GRAMD1B: variants seen among roughly 807,000 people sequenced by gnomAD.
The protein encoded by GRAMD1B is protein Aster-B.
A neutral mutation model predicts 99.7 loss-of-function variants in GRAMD1B; 37 were observed. The observed-to-expected ratio is 0.37, with a 90% CI of 0.29 to 0.49. GRAMD1B has a LOEUF of 0.49. Ranked by LOEUF, GRAMD1B falls within the 20% of genes least tolerant of loss-of-function variation. The pLI is 0.98. For synonymous variants in GRAMD1B, 427 were observed against 387.6 expected (o/e 1.10, Z -1.19); for missense variants, 888 against 1,009.2 (o/e 0.88, Z 1.63).
intron 2 of GRAMD1B, among the ~76,000 whole-genome samples, chr11:123,531,549 G>A (rs949541522): frequency 6.6e-6 from 1 of 151,922 alleles, no homozygotes; most frequent in Non-Finnish European, 1.5e-5. Context: ...CTTCCCTCCC[G>A]GCCTTCCTGA....
intron 2 of GRAMD1B, among the ~76,000 whole-genome samples, chr11:123,484,000 T>A (rs1951751332): frequency 6.6e-6 from 1 of 152,200 alleles, no homozygotes; most frequent in Admixed American, 6.5e-5. Context: ...AGATGCTTAA[T>A]CAGGTACGAT....
chr11:123,618,711 C>A lies in GRAMD1B; in HGVS notation c.2337C>A (p.Ile779=). The A allele has an allele frequency of 1.9e-6, 3 of 1,579,302 alleles. No individual in the cohort carries two copies. The highest frequency in any genetic ancestry group is 2.6e-6 in the Non-Finnish European group (3 of 1,159,106). The part of the protein sequence containing the change: ...VISCVLVLLV[I]LNMMLFYKLW... ...TTCCTAGTCTGGTGCTGCTGGTCAT[C>A]CTTAACATGATGCTCTTCTACAAAC... Residue 779 remains isoleucine, a synonymous_variant, in exon 18 of 20, where the codon ATC becomes ATA. Transcript: ENST00000635736.
Position 123,610,537 on chromosome 11 carries a change from T to C in GRAMD1B, c.1919+199T>C, listed in dbSNP as rs1313949049. On this transcript the variant is annotated intron_variant, in intron 14 of 19. Transcript: ENST00000635736. The surrounding 1 kb of genome is among the most constrained non-coding windows in gnomAD (Gnocchi z 4.1). ...ATTCTCTCCACTCTCTACATCTTGT[T>C]AGTAAAACTTGTATAGCTACTACTA... is the stretch of plus-strand genomic sequence containing the variant. Among the ~76,000 whole-genome samples the C allele has an allele frequency of 6.6e-6, 1 of 152,230 alleles. No individual in the cohort carries two copies. The highest frequency in any genetic ancestry group is 2.4e-5 in the African/African-American group (1 of 41,470).
At chr11:123,417,467 G>C (rs1385215753) in intron 1 of GRAMD1B, among the ~76,000 whole-genome samples, 3 of 152,142 alleles carry the variant, frequency 2.0e-5, no homozygotes, top group Non-Finnish European at 4.4e-5. Context: ...ATCAAATCAG[G>C]TACTAACTTA....
intron 1 of GRAMD1B, among the ~76,000 whole-genome samples, chr11:123,372,844 A>G (rs980221618): frequency 6.6e-6 from 1 of 152,322 alleles, no homozygotes; most frequent in East Asian, 1.9e-4. Flanking sequence ...TGTGTTAATA[A>G]TTGAGAGCTC....
chr11:123,542,343 C>T (rs1258455369), intron 2 of GRAMD1B, among the ~76,000 whole-genome samples: 4 of 152,180 alleles, frequency 2.6e-5, no homozygotes, highest in Non-Finnish European at 4.4e-5. Flanking sequence ...GTTACAAGGT[C>T]CCATAGGGAA....
At chr11:123,556,549 T>C (rs888968444) in intron 2 of GRAMD1B, among the ~76,000 whole-genome samples, 2 of 152,224 alleles carry the variant, frequency 1.3e-5, no homozygotes, top group African/African-American at 4.8e-5. Flanking sequence ...GGGTGGTCTC[T>C]GGAAAGTGCT....
At chr11:123,547,352 A>G (rs1193457136) in intron 2 of GRAMD1B, among the ~76,000 whole-genome samples, 1 of 152,152 alleles carries the variant, frequency 6.6e-6, no homozygotes, top group Non-Finnish European at 1.5e-5. Flanking sequence ...GCTTTGCTGG[A>G]TGTCACCTGC....
At chr11:123,502,208 G>T (rs1939937128) in intron 2 of GRAMD1B, among the ~76,000 whole-genome samples, 1 of 152,146 alleles carries the variant, frequency 6.6e-6, no homozygotes, top group Admixed American at 6.5e-5. Context: ...TCACTAGAGG[G>T]TCTCCCAGTG....
chr11:123,597,853 G>T, intron 7 of GRAMD1B: 1 of 730,912 alleles, frequency 1.4e-6, no homozygotes. Flanking sequence ...GTAGCAAAAG[G>T]TCTTTAAGAG....
intron 7 of GRAMD1B, among the ~76,000 whole-genome samples, chr11:123,597,125 A>G (rs1592199399): frequency 7.1e-6 from 1 of 139,978 alleles, no homozygotes; most frequent in Non-Finnish European, 1.5e-5. Context: ...AAAGAGTCCA[A>G]CTCCTTTTTT....
At chr11:123,574,337 TGTG>T (rs1948486802) in intron 2 of GRAMD1B, among the ~76,000 whole-genome samples, 1 of 152,164 alleles carries the variant, frequency 6.6e-6, no homozygotes, top group Admixed American at 6.5e-5. Context: ...GGGACTTTAA[TGTG>T]GGAGCTACTA....
In GRAMD1B at chr11:123,467,379, C is replaced by T. The variant is rs909045408; in HGVS notation, c.375-13437C>T. ...AAGAAACAAACAAAAACGTTGTAGC[C>T]TTGGTTTTCAACACCTTTTTTTTTT... On this transcript the variant is annotated intron_variant, in intron 1 of 19. Coordinates refer to ENST00000635736, the MANE Select transcript of GRAMD1B (RefSeq NM_001387025.1). Among the ~76,000 whole-genome samples, 30 of 142,874 alleles carry T rather than the reference C, an allele frequency of 2.1e-4. No homozygotes were observed. The Admixed American group carries it at 2.2e-3, about 10-fold the overall frequency. The allele number at this position is 142,874 out of a possible 152,430, so 93.7% of individuals were successfully genotyped here. A position where few individuals can be genotyped will look rare whatever the true frequency, so the allele number is the denominator to read the frequency against.
At chr11:123,433,691 T>TGC (rs1949018427) in intron 1 of GRAMD1B, among the ~76,000 whole-genome samples, 1 of 151,612 alleles carries the variant, frequency 6.6e-6, no homozygotes, top group South Asian at 2.1e-4. Flanking sequence ...TGTGTGTGTG[T>TGC]GTGTGTGTGT....
In GRAMD1B at chr11:123,607,578, C is replaced by T. The variant is rs1003391635; in HGVS notation, c.1513+780C>T. 3.9e-5 allele frequency among the ~76,000 whole-genome samples: 6 copies of T among 152,346 alleles called. 1 individual carries two copies. The East Asian group carries it at 1.2e-3, about 29-fold the overall frequency. On this transcript the variant is annotated intron_variant, in intron 11 of 19. Transcript: ENST00000635736. ...TAGAGTCCAGGGTTGGCACAAGTGA[C>T]TGCATGGGTTAGATACTGCCTAACT...
intron 1 of GRAMD1B, among the ~76,000 whole-genome samples, chr11:123,422,452 C>T (rs185245018): frequency 2.3e-4 from 35 of 152,306 alleles, no homozygotes; most frequent in South Asian, 6.2e-4. Context: ...ACAGCCTAGT[C>T]GTCTTCAGCT....
chr11:123,435,565 CAGTG>C (rs1949121746), intron 1 of GRAMD1B: 2 of 661,776 alleles, frequency 3.0e-6, no homozygotes, highest in Admixed American at 4.7e-5. Context: ...ACTAACTTTC[CAGTG>C]TTCACTGGAA....
chr11:123,428,856 C>T (rs1246298223), upstream of GRAMD1B, among the ~76,000 whole-genome samples: 1 of 152,092 alleles, frequency 6.6e-6, no homozygotes, highest in Non-Finnish European at 1.5e-5. Context: ...AGATTGTGGA[C>T]TTCATGGTAT....
chr11:123,514,522 T>C (rs1468815591), intron 2 of GRAMD1B, among the ~76,000 whole-genome samples: 1 of 152,200 alleles, frequency 6.6e-6, no homozygotes, highest in Non-Finnish European at 1.5e-5. Flanking sequence ...ATGGTGGCTG[T>C]GGGTGCAGAG....
Sources: allele counts gnomAD v4.1 joint callset (sites outside exome capture counted in the v4.1 genomes callset), GRCh38; gene constraint gnomAD v4.1.1; non-coding constraint Gnocchi (gnomAD v3.1); transcripts MANE v1.5; gene names NCBI Gene and HGNC (gene_info 2026-07-23, HGNC 2026-07-21).